ROBO1: variants seen among roughly 807,000 people sequenced by gnomAD.
The protein encoded by ROBO1 is roundabout guidance receptor 1.
In ROBO1, 149 loss-of-function variants were observed where a neutral mutation model predicts 195.9. The ratio of observed to expected loss-of-function variants is 0.76; its 90% CI spans 0.67 to 0.87. ROBO1 has a LOEUF of 0.87. ROBO1 is among the 40% of genes least tolerant of loss of function. ROBO1 has a pLI of 0.00. For synonymous variants in ROBO1, 816 were observed against 733.2 expected (o/e 1.11, Z -1.82); for missense variants, 1,933 against 2,068.3 (o/e 0.93, Z 1.27).
chr3:79,069,004 T>C (rs761281340), intron 3 of ROBO1, among the ~76,000 whole-genome samples: 14 of 151,800 alleles, frequency 9.2e-5, no homozygotes, highest in African/African-American at 2.7e-4. Flanking sequence ...CTCTATTCTT[T>C]TTCCCTCAAA....
intron 2 of ROBO1, among the ~76,000 whole-genome samples, chr3:79,486,856 G>C (rs959447033): frequency 6.6e-6 from 1 of 152,106 alleles, no homozygotes; most frequent in East Asian, 1.9e-4. Flanking sequence ...AAAATTTACA[G>C]AGCTATCCCT....
chr3:79,483,656 GGTAA>G (rs1192498914), intron 2 of ROBO1, among the ~76,000 whole-genome samples: 1 of 152,100 alleles, frequency 6.6e-6, no homozygotes, highest in Non-Finnish European at 1.5e-5. Context: ...GTAACAAAAT[GGTAA>G]GTATTTGTGT....
intron 1 of ROBO1, among the ~76,000 whole-genome samples, chr3:79,669,502 T>A (rs1344068642): frequency 6.6e-6 from 1 of 151,948 alleles, no homozygotes; most frequent in Non-Finnish European, 1.5e-5. Context: ...GGGTTATTAT[T>A]GCCTACAGTA....
intron 2 of ROBO1, among the ~76,000 whole-genome samples, chr3:79,481,186 G>T (rs565256282): frequency 6.6e-6 from 1 of 152,212 alleles, no homozygotes; most frequent in Admixed American, 6.5e-5. Flanking sequence ...GCCAAGGAGA[G>T]TATGAACAGA....
intron 1 of ROBO1, among the ~76,000 whole-genome samples, chr3:79,691,324 A>G (rs972730543): frequency 1.3e-5 from 2 of 151,866 alleles, no homozygotes; most frequent in African/African-American, 4.8e-5. Context: ...CAAAGAAGAA[A>G]AAGCAAGAAG....
chr3:79,500,132 T>A (rs1477040845), intron 2 of ROBO1, among the ~76,000 whole-genome samples: 2 of 134,590 alleles, frequency 1.5e-5, no homozygotes, highest in Non-Finnish European at 3.2e-5. Context: ...TTTTTTTTTT[T>A]TTTTTTTTTT....
intron 4 of ROBO1, among the ~76,000 whole-genome samples, chr3:78,806,327 A>G (rs1018740000): frequency 2.0e-5 from 3 of 152,114 alleles, no homozygotes; most frequent in African/African-American, 7.2e-5. Context: ...TAACCAACGC[A>G]GCACCTGATT....
intron 3 of ROBO1, among the ~76,000 whole-genome samples, chr3:79,073,767 G>A (rs984687497): frequency 2.0e-5 from 3 of 151,604 alleles, no homozygotes; most frequent in African/African-American, 7.3e-5. Context: ...TGCTTTTAAT[G>A]TTTTGCAAAG....
intron 2 of ROBO1, among the ~76,000 whole-genome samples, chr3:79,440,006 C>G (rs2039001769): frequency 1.3e-5 from 2 of 151,988 alleles, no homozygotes; most frequent in Admixed American, 6.6e-5. Flanking sequence ...AAATCTGGGA[C>G]TCTAACAGAT....
At chr3:79,730,963 G>T (rs1576293859) in intron 1 of ROBO1, among the ~76,000 whole-genome samples, 1 of 151,806 alleles carries the variant, frequency 6.6e-6, no homozygotes, top group South Asian at 2.1e-4. Flanking sequence ...ATTTTTAGTA[G>T]AGACGGGGTT....
intron 3 of ROBO1, among the ~76,000 whole-genome samples, chr3:79,005,830 C>T (rs1443628223): frequency 6.6e-6 from 1 of 152,094 alleles, no homozygotes; most frequent in South Asian, 2.1e-4. Context: ...GAGTAAGCTT[C>T]TCTCCTGAAA....
chr3:78,720,957 G>A (rs375718344), intron 5 of ROBO1, among the ~76,000 whole-genome samples: 1 of 151,018 alleles, frequency 6.6e-6, no homozygotes, highest in South Asian at 2.1e-4. Context: ...GGTTGGGGGG[G>A]GGGCGGTGGA....
intron 2 of ROBO1, among the ~76,000 whole-genome samples, chr3:79,579,209 CTTAA>C (rs1325906845): frequency 2.0e-5 from 3 of 152,026 alleles, no homozygotes; most frequent in Non-Finnish European, 4.4e-5. Flanking sequence ...ACAAGTTGAG[CTTAA>C]TTGTCATTTA....
intron 1 of ROBO1, among the ~76,000 whole-genome samples, chr3:79,717,937 A>G (rs1458836503): frequency 6.6e-6 from 1 of 152,004 alleles, no homozygotes; most frequent in Non-Finnish European, 1.5e-5. Flanking sequence ...TGATTTTTGG[A>G]CAGTCCCACC....
intron 3 of ROBO1, 81 bp downstream of exon 3, chr3:79,125,375 A>T: frequency 8.9e-7 from 1 of 1,126,598 alleles, no homozygotes; most frequent in Non-Finnish European, 1.3e-6. Context: ...TGATTCGATT[A>T]ATTTTATACA....
intron 18 of ROBO1, among the ~76,000 whole-genome samples, chr3:78,655,337 C>T (rs1406655565): frequency 2.0e-5 from 3 of 152,096 alleles, no homozygotes; most frequent in Admixed American, 2.0e-4. Context: ...GAGGTTACCC[C>T]ATTCATTTGC....
At position 78,711,435 on chromosome 3, in the gene ROBO1, CTTTCT is replaced by C. The variant is rs1559774023; in HGVS notation, c.1045+2957_1045+2961del. Reference sequence around the variant, plus strand: ...TCTTTCTTTCTTTCTTTCTTTCTTTCTTTCTTTCCTTCCTTCCTTCCTTCCTTCCT... The same window carrying C: ...TCTTTCTTTCTTTCTTTCTTTCTTTCTTCCTTCCTTCCTTCCTTCCTTCCT... On this transcript the variant is annotated intron_variant, in intron 8 of 30. Coordinates refer to ENST00000464233, the MANE Select transcript of ROBO1 (RefSeq NM_002941.4). Among the ~76,000 whole-genome samples the C allele has an allele frequency of 5.9e-4, 68 of 114,550 alleles. 1 individual carries two copies. The highest frequency in any genetic ancestry group is 2.5e-3 in the African/African-American group (62 of 24,706). 75.1% of individuals were successfully genotyped at this position (114,550 alleles called of 152,430 possible). A position where few individuals can be genotyped will look rare whatever the true frequency, so the allele number is the denominator to read the frequency against.
chr3:79,633,945 G>T (rs1021658994), intron 1 of ROBO1, among the ~76,000 whole-genome samples: 3 of 152,002 alleles, frequency 2.0e-5, no homozygotes, highest in Non-Finnish European at 2.9e-5. Context: ...GAGCTTCTTT[G>T]TTGGGAACTG....
At chr3:78,656,551 C>T (rs981970284) in intron 18 of ROBO1, among the ~76,000 whole-genome samples, 7 of 151,926 alleles carry the variant, frequency 4.6e-5, no homozygotes, top group African/African-American at 1.7e-4. Context: ...CGGGGTTTCA[C>T]CATGTTAGCC....
Sources: allele counts gnomAD v4.1 joint callset (sites outside exome capture counted in the v4.1 genomes callset), GRCh38; gene constraint gnomAD v4.1.1; transcripts MANE v1.5; gene names NCBI Gene and HGNC (gene_info 2026-07-23, HGNC 2026-07-21).